The following TOMM70 variants were observed in gnomAD, a reference collection of about 807,000 sequenced individuals.
TOMM70 encodes the protein translocase of outer mitochondrial membrane 70.
In TOMM70, 13 loss-of-function variants were observed where a neutral mutation model predicts 73.6. The ratio of observed to expected loss-of-function variants is 0.18; its 90% confidence interval spans 0.11 to 0.28. The LOEUF is 0.28. Among genes scored for constraint, TOMM70 ranks in the 10% least tolerant of loss-of-function variants. The pLI is 1.00. For synonymous variants in TOMM70, 257 were observed against 271.2 expected (o/e 0.95, Z 0.51); for missense variants, 609 against 747.5 (o/e 0.81, Z 2.16).
intron 5 of TOMM70, among the ~76,000 whole-genome samples, chr3:100,379,148 T>A (rs1345607679): frequency 6.6e-6 from 1 of 152,260 alleles, no homozygotes; most frequent in East Asian, 1.9e-4. Context: ...GTATCTCTTA[T>A]TATTCTTCTA....
intron 6 of TOMM70, among the ~76,000 whole-genome samples, chr3:100,375,717 T>C (rs545743706): frequency 6.6e-6 from 1 of 152,266 alleles, no homozygotes; most frequent in African/African-American, 2.4e-5. Context: ...ACATACAAGG[T>C]TTTTAAAAAA....
rs748761190 is a variant in TOMM70 at position 100,400,846 on chromosome 3, C to A, written c.104G>T (p.Gly35Val). 7.8e-5 allele frequency: 119 copies of A among 1,523,648 alleles called. 1 individual carries two copies. The highest frequency in any genetic ancestry group is 6.8e-4 in the South Asian group (57 of 83,386). 94.4% of individuals were successfully genotyped at this position (1,523,648 alleles called of 1,614,324 possible). A position where few individuals can be genotyped will look rare whatever the true frequency, so the allele number is the denominator to read the frequency against. Reference sequence around the variant, plus strand: ...CAGAGCCAGCTGCCATCGCGGCAGCCCCCCCGTGCCCGGGCCCGCAGTCCC... The same window carrying A: ...CAGAGCCAGCTGCCATCGCGGCAGCACCCCCGTGCCCGGGCCCGCAGTCCC... ...GGGTAGPGTG[G>V]LPRWQLALAV... is the part of the protein sequence containing the mutation. Residue 35 changes from glycine to valine, a missense_variant, in exon 1 of 12, where the codon GGG (glycine) becomes GTG (valine). Gly to Val is a moderately radical substitution (Grantham distance 109, BLOSUM62 -3). Transcript: ENST00000284320.
At chr3:100,390,815 G>A (rs1246514134) in intron 1 of TOMM70, among the ~76,000 whole-genome samples, 2 of 151,080 alleles carry the variant, frequency 1.3e-5, no homozygotes, top group African/African-American at 2.4e-5. Flanking sequence ...GGAAACAGAG[G>A]GAGACTGCAT....
At chr3:100,378,112 C>T (rs1559831916) in intron 5 of TOMM70, among the ~76,000 whole-genome samples, 200 bp from the exon 6 acceptor site, 1 of 151,772 alleles carries the variant, frequency 6.6e-6, no homozygotes, top group Non-Finnish European at 1.5e-5. Flanking sequence ...GGCGTGGAGG[C>T]GCATGCCTGT....
chr3:100,395,509 C>T (rs1706815779), intron 1 of TOMM70, among the ~76,000 whole-genome samples: 1 of 147,518 alleles, frequency 6.8e-6, no homozygotes, highest in African/African-American at 2.5e-5. Context: ...CACCACTGCA[C>T]TCCAGCCTGG....
intron 11 of TOMM70, among the ~76,000 whole-genome samples, chr3:100,366,613 T>C (rs1706449548): frequency 6.6e-6 from 1 of 152,260 alleles, no homozygotes. Context: ...GTTCTGGCAT[T>C]AGGCCAACAG....
chr3:100,381,607 ATACT>A lies in TOMM70; in HGVS notation c.884+4_884+7del. 2.5e-6 allele frequency: 4 copies of A among 1,612,296 alleles called. No individual in the cohort carries two copies. Among genetic ancestry groups the A allele is most frequent in the Non-Finnish European group, 3.4e-6 (4 of 1,178,970 alleles). On this transcript the variant is annotated splice_donor_5th_base_variant and intron_variant, in intron 5 of 11. Coordinates refer to ENST00000284320, the MANE Select transcript of TOMM70 (RefSeq NM_014820.5). ...CCACTAAGTAGACACTATGCTTGAC[ATACT>A]TACTTTTCTTTCACTTCTAAAGCCT...
At chr3:100,400,587 AG>A (rs762571105) in intron 1 of TOMM70, 38 bp downstream of exon 1, 40 of 1,593,342 alleles carry the variant, frequency 2.5e-5, no homozygotes, top group Non-Finnish European at 4.3e-6. Context: ...AAGCTGCACG[AG>A]CCAGTTTCCT....
chr3:100,392,765 G>C (rs1486081898), intron 1 of TOMM70, among the ~76,000 whole-genome samples: 1 of 151,986 alleles, frequency 6.6e-6, no homozygotes, highest in East Asian at 1.9e-4. Context: ...AACTAGAGTA[G>C]GTCTACCATT....
intron 7 of TOMM70, 27 bp from the exon 8 acceptor site, chr3:100,373,672 TA>T (rs770975387): frequency 2.1e-6 from 3 of 1,420,636 alleles, no homozygotes; most frequent in Non-Finnish European, 1.9e-6. Context: ...TAAATAAATG[TA>T]ATTCAACTAG....
intron 1 of TOMM70, among the ~76,000 whole-genome samples, chr3:100,399,223 G>C (rs1213313569): frequency 6.6e-6 from 1 of 150,828 alleles, no homozygotes; most frequent in African/African-American, 2.4e-5. Context: ...AGGTGGTGGT[G>C]AGCTGAGATC....
chr3:100,376,832 G>A (rs773978194), intron 6 of TOMM70, among the ~76,000 whole-genome samples: 1 of 152,020 alleles, frequency 6.6e-6, no homozygotes, highest in African/African-American at 2.4e-5. Flanking sequence ...TTTGTTCAAA[G>A]CAATACTACA....
At chr3:100,392,688 G>T (rs1224879773) in intron 1 of TOMM70, among the ~76,000 whole-genome samples, 3 of 151,994 alleles carry the variant, frequency 2.0e-5, no homozygotes, top group Non-Finnish European at 4.4e-5. Context: ...AAAGTGTTGG[G>T]ATTACAGGCA....
chr3:100,389,568 T>TA (rs1194463133), intron 1 of TOMM70, among the ~76,000 whole-genome samples: 19 of 152,028 alleles, frequency 1.2e-4, no homozygotes, highest in Non-Finnish European at 2.4e-4. Context: ...AATTTTTTTT[T>TA]AAAAAAGGAA....
chr3:100,369,287 A>G (rs1706482944), intron 9 of TOMM70, 152 bp from the exon 10 acceptor site: 1 of 629,766 alleles, frequency 1.6e-6, no homozygotes, highest in South Asian at 1.9e-5. Context: ...TTACATCTTA[A>G]TTATCGGAGT....
intron 6 of TOMM70, among the ~76,000 whole-genome samples, chr3:100,376,465 G>A (rs1037160428): frequency 1.3e-5 from 2 of 150,182 alleles, no homozygotes; most frequent in African/African-American, 5.0e-5. Context: ...CCAGGTACAG[G>A]TGATCCTCCC....
chr3:100,379,691 A>G (rs1706608374), intron 5 of TOMM70, among the ~76,000 whole-genome samples: 1 of 152,092 alleles, frequency 6.6e-6, no homozygotes, highest in African/African-American at 2.4e-5. Flanking sequence ...ATCTTGGCTC[A>G]CTTCAACCTC....
chr3:100,396,014 GTT>G lies in TOMM70; in HGVS notation c.324+4610_324+4611del, dbSNP rs34486101. Among the ~76,000 whole-genome samples the G allele has an allele frequency of 3.7e-3, 523 of 140,600 alleles. 1 individual carries two copies. Among genetic ancestry groups the G allele is most frequent in the East Asian group, 0.019 (90 of 4,828 alleles). The allele number at this position is 140,600 out of a possible 152,430, so 92.2% of individuals were successfully genotyped here. A position where few individuals can be genotyped will look rare whatever the true frequency, so the allele number is the denominator to read the frequency against. ...TAAGAATCCATGAGGCTGGTATCAG[GTT>G]TTTTTTTTTTTTTTTTTAAATCAGG... On this transcript the variant is annotated intron_variant, in intron 1 of 11. Transcript: ENST00000284320.
intron 1 of TOMM70, among the ~76,000 whole-genome samples, chr3:100,394,193 C>T (rs1706794524): frequency 6.6e-6 from 1 of 152,124 alleles, no homozygotes; most frequent in African/African-American, 2.4e-5. Context: ...TTAAAATATA[C>T]CTGAGATGGT....
Sources: gnomAD v4.1 joint callset for allele counts (sites outside exome capture counted in the v4.1 genomes callset) on GRCh38, gnomAD v4.1.1 for gene constraint, MANE v1.5 for transcripts, NCBI Gene and HGNC (gene_info 2026-07-23, HGNC 2026-07-21) for gene names.